The following HSP90AA1 variants were observed in gnomAD, a reference collection of about 807,000 sequenced individuals.
The protein encoded by HSP90AA1 is heat shock protein 90 alpha family class A member 1, also known as heat shock protein HSP 90-alpha.
In HSP90AA1, 18 loss-of-function variants were observed where a neutral mutation model predicts 73.3. The ratio of observed to expected loss-of-function variants is 0.25; its 90% confidence interval spans 0.17 to 0.36. HSP90AA1 has a LOEUF of 0.36. Among genes scored for constraint, HSP90AA1 ranks in the 10% least tolerant of loss-of-function variants. The pLI is 1.00. For missense variants in HSP90AA1, 704 were observed against 874.2 expected (o/e 0.81, Z 2.45); for synonymous variants, 477 against 296.9 (o/e 1.61, Z -6.24).
chr14:102,135,523 C>T (rs545271132), intron 1 of HSP90AA1, among the ~76,000 whole-genome samples: 3 of 152,374 alleles, frequency 2.0e-5, no homozygotes, highest in East Asian at 1.9e-4. Context: ...ATTCCTCAGC[C>T]CTTGGGTGGT....
intron 1 of HSP90AA1, among the ~76,000 whole-genome samples, chr14:102,118,719 T>C (rs531615386): frequency 8.5e-5 from 13 of 152,292 alleles, no homozygotes; most frequent in African/African-American, 2.9e-4. Context: ...GGATTTCTCA[T>C]TCTGTTCTAT....
intron 1 of HSP90AA1, among the ~76,000 whole-genome samples, chr14:102,106,257 C>A (rs2049566371): frequency 6.6e-6 from 1 of 152,148 alleles, no homozygotes; most frequent in African/African-American, 2.4e-5. Context: ...CATCTGTCCA[C>A]AAAACTATTC....
At position 102,085,447 on chromosome 14, in the gene HSP90AA1, G is replaced by C. The variant is rs868552185; in HGVS notation, c.530-16C>G. ...ATAGGTTCACCTGCAAGAGAAGAAA[G>C]AAAAATTGACTTAATACATTCAATT... On this transcript the variant is annotated splice_polypyrimidine_tract_variant and intron_variant, in intron 3 of 10. Coordinates refer to ENST00000216281, the MANE Select transcript of HSP90AA1 (RefSeq NM_005348.4). 7 of 1,505,870 alleles carry C rather than the reference G, an allele frequency of 4.6e-6. No individual in the cohort carries two copies. Among genetic ancestry groups the C allele is most frequent in the Middle Eastern group, 1.7e-4 (1 of 5,862 alleles). The allele number at this position is 1,505,870 out of a possible 1,614,324, so 93.3% of individuals were successfully genotyped here. A position where few individuals can be genotyped will look rare whatever the true frequency, so the allele number is the denominator to read the frequency against.
In HSP90AA1 at chr14:102,085,794, A is replaced by C. The variant is rs1281795361; in HGVS notation, c.493T>G (p.Ser165Ala). 6 of 1,613,850 alleles carry C rather than the reference A, an allele frequency of 3.7e-6. No individual in the cohort carries two copies. Among genetic ancestry groups the C allele is most frequent in the African/African-American group, 1.3e-5 (1 of 74,896 alleles). The change falls in exon 3 of 11, where the codon TCA becomes GCA. Residue 165 changes from serine to alanine, a missense_variant. Ser to Ala is a moderately conservative substitution (Grantham distance 99). Coordinates refer to ENST00000216281, the MANE Select transcript of HSP90AA1 (RefSeq NM_005348.4). ...CTCACTGTGAATGATCCCCCTGCTG[A>C]GGACTCCCAAGCGTACTGCTCATCA... ...NDDEQYAWES[S>A]AGGSFTVRTD...
chr14:102,098,255 G>A (rs1033558255), intron 2 of HSP90AA1, among the ~76,000 whole-genome samples: 4 of 150,338 alleles, frequency 2.7e-5, no homozygotes, highest in African/African-American at 4.9e-5. Context: ...TCCGCCTCCC[G>A]GGTTCAAGCG....
intron 1 of HSP90AA1, 113 bp from the exon 2 acceptor site, chr14:102,086,491 T>G (rs1035924934): frequency 8.2e-7 from 1 of 1,217,312 alleles, no homozygotes; most frequent in Non-Finnish European, 1.2e-6. Flanking sequence ...TTGCGAAGTT[T>G]AAGTAAACCG....
chr14:102,084,019 C>A (rs1271047692), intron 6 of HSP90AA1, 36 bp from the exon 7 acceptor site: 1 of 1,509,804 alleles, frequency 6.6e-7, no homozygotes. Flanking sequence ...CTGAGTCATT[C>A]CAAGGACAAA....
intron 8 of HSP90AA1, 90 bp from the exon 9 acceptor site, chr14:102,083,392 G>A (rs1051266506): frequency 3.4e-6 from 5 of 1,489,312 alleles, no homozygotes; most frequent in African/African-American, 2.8e-5. Context: ...AGATACCTAG[G>A]CAGAACCTAA....
At chr14:102,083,382 A>G (rs2049142060) in intron 8 of HSP90AA1, 80 bp from the exon 9 acceptor site, 1 of 1,522,358 alleles carries the variant, frequency 6.6e-7, no homozygotes, top group South Asian at 1.1e-5. Flanking sequence ...CTTGCTAGCC[A>G]GATACCTAGG....
At chr14:102,102,319 C>T (rs979696442) in intron 1 of HSP90AA1, among the ~76,000 whole-genome samples, 1 of 152,272 alleles carries the variant, frequency 6.6e-6, no homozygotes, top group Middle Eastern at 3.4e-3. Flanking sequence ...TGCTGTATGG[C>T]CTGATCCCCC....
In HSP90AA1 at chr14:102,128,628, C is replaced by CG. The variant is rs1269517959; in HGVS notation, c.155+10621dup. Among the ~76,000 whole-genome samples, 46 of 63,104 alleles carry CG rather than the reference C, an allele frequency of 7.3e-4. No homozygotes were observed. In the East Asian group the frequency reaches 0.019, roughly 26 times the overall value. 41.4% of individuals were successfully genotyped at this position (63,104 alleles called of 152,430 possible). A position where few individuals can be genotyped will look rare whatever the true frequency, so the allele number is the denominator to read the frequency against. ...GGGCAGTAAGAGCAAAACTCCGTCT[C>CG]GGAAAAAAAAAAAAAAAAAAAAAAT... On this transcript the variant is annotated intron_variant, in intron 1 of 11. Transcript: ENST00000334701.
In HSP90AA1 at chr14:102,083,098, T is replaced by C. The variant is rs200169081; in HGVS notation, c.1691A>G (p.Lys564Arg). The change falls in exon 9 of 11, where the codon AAA becomes AGA. Residue 564 changes from lysine (K) to arginine (R), a missense_variant. Coordinates refer to ENST00000216281, the MANE Select transcript of HSP90AA1 (RefSeq NM_005348.4). Reference sequence around the variant, plus strand: ...GCAGAGGTTCTCAAACTTTGTTTTTTTCTCTTCCTGCTTCTTTTTCTCTTC... The same window carrying C: ...GCAGAGGTTCTCAAACTTTGTTTTTCTCTCTTCCTGCTTCTTTTTCTCTTC... The part of the protein sequence containing the change: ...DEEEKKKQEE[K>R]KTKFENLCKI... 2.4e-5 allele frequency: 38 copies of C among 1,613,844 alleles called. No homozygotes were observed. In the African/African-American group the frequency reaches 4.0e-4, roughly 17 times the overall value.
At chr14:102,122,770 C>T (rs557107917) in intron 1 of HSP90AA1, among the ~76,000 whole-genome samples, 13 of 150,648 alleles carry the variant, frequency 8.6e-5, no homozygotes, top group Admixed American at 2.7e-4. Context: ...TGGGTTCGAG[C>T]GATTCTCCTG....
At chr14:102,132,899 G>A (rs1185090303) in intron 1 of HSP90AA1, among the ~76,000 whole-genome samples, 1 of 151,946 alleles carries the variant, frequency 6.6e-6, no homozygotes, top group Non-Finnish European at 1.5e-5. Context: ...GGTGGAGGTT[G>A]CAGTGAGCTG....
chr14:102,082,047 C>T (rs6575895), intron 10 of HSP90AA1, 64 bp downstream of exon 10: 1,035,778 of 1,168,150 alleles, frequency 0.89, 459,948 homozygotes, highest in East Asian at 1. Context: ...ACTGAAAGTT[C>T]ACCATTTTCT....
At chr14:102,137,307 C>A (rs1396656634) in intron 1 of HSP90AA1, among the ~76,000 whole-genome samples, 3 of 151,066 alleles carry the variant, frequency 2.0e-5, no homozygotes, top group Non-Finnish European at 4.4e-5. Flanking sequence ...TAGGTCAGGC[C>A]CATTTATTTA....
At chr14:102,088,316 C>A (rs1403116856), upstream of HSP90AA1, among the ~76,000 whole-genome samples, 1 of 152,158 alleles carries the variant, frequency 6.6e-6, no homozygotes. Context: ...TCTGGCGCCT[C>A]CCATGATTGG....
At chr14:102,087,561 C>A (rs537256838), upstream of HSP90AA1, among the ~76,000 whole-genome samples, 380 of 152,222 alleles carry the variant, frequency 2.5e-3, no homozygotes, top group Non-Finnish European at 3.7e-3. Context: ...CCGGAGCCGT[C>A]GTCCTGACTG....
chr14:102,120,059 CTACT>C (rs1489048037), intron 1 of HSP90AA1, among the ~76,000 whole-genome samples: 6 of 152,052 alleles, frequency 3.9e-5, no homozygotes, highest in Non-Finnish European at 7.4e-5. Flanking sequence ...AATTATAGGG[CTACT>C]TAGTTTTATT....
Sources: gnomAD v4.1 joint callset for allele counts (sites outside exome capture counted in the v4.1 genomes callset) on GRCh38, gnomAD v4.1.1 for gene constraint, MANE v1.5 for transcripts, NCBI Gene and HGNC (gene_info 2026-07-23, HGNC 2026-07-21) for gene names.